Variants in TTC9 observed in about 807,000 individuals in gnomAD.
The protein encoded by TTC9 is tetratricopeptide repeat domain 9.
Under a neutral mutation model 22.9 loss-of-function variants are expected in TTC9, and 13 were observed. That is an observed-to-expected ratio of 0.57 (90% CI 0.37 to 0.90). TTC9 has a LOEUF of 0.90. TTC9 is among the 40% of genes least tolerant of loss of function. TTC9 has a pLI of 0.01. For synonymous variants in TTC9, 148 were observed against 133.2 expected, an observed-to-expected ratio of 1.11 and a Z score of -0.77; for missense variants, 280 against 291.8, an observed-to-expected ratio of 0.96 and a Z score of 0.29.
chr14:70,647,219 A>G (rs1885915104), intron 1 of TTC9, among the ~76,000 whole-genome samples: 1 of 152,242 alleles, frequency 6.6e-6, no homozygotes, highest in South Asian at 2.1e-4. Context: ...TAGCTCATAC[A>G]TGCATATGTA....
Position 70,672,554 on chromosome 14 carries a change from AT to A in TTC9, c.*1400del, listed in dbSNP as rs1254686127. The stretch of plus-strand genomic sequence containing the variant: ...AGAAATGCATATGAGATTATTACCA[AT>A]GACACCGTTAATTTATATGATGCTT... On this transcript the variant is annotated 3_prime_UTR_variant, in exon 3 of 3. Transcript: ENST00000256367. 4.6e-5 allele frequency: 7 copies of A among 152,360 alleles called. No individual in the cohort carries two copies. In the East Asian group the frequency reaches 1.3e-3, roughly 29 times the overall value. The allele number at this position is 152,360 out of a possible 1,614,324, so 9.4% of individuals were successfully genotyped here.
At chr14:70,660,522 G>T (rs1328836159) in intron 1 of TTC9, among the ~76,000 whole-genome samples, 2 of 152,190 alleles carry the variant, frequency 1.3e-5, no homozygotes, top group African/African-American at 4.8e-5. Flanking sequence ...ACTGTGAGAA[G>T]CATGTAATGT....
intron 1 of TTC9, among the ~76,000 whole-genome samples, chr14:70,642,876 C>T (rs943858047): frequency 1.3e-5 from 2 of 152,200 alleles, no homozygotes; most frequent in Non-Finnish European, 2.9e-5. Flanking sequence ...CCCCCGCAGC[C>T]ACCGCTAGCC....
intron 1 of TTC9, among the ~76,000 whole-genome samples, chr14:70,663,584 G>A (rs1273137106): frequency 6.6e-6 from 1 of 152,170 alleles, no homozygotes; most frequent in Non-Finnish European, 1.5e-5. Context: ...TTAGATCAAG[G>A]TAAGGCCCCT....
chr14:70,667,643 G>A lies in TTC9; in HGVS notation c.486G>A (p.Glu162=), dbSNP rs183858804. The A allele has an allele frequency of 3.7e-6, 6 of 1,614,004 alleles. No individual in the cohort carries two copies. Among genetic ancestry groups the A allele is most frequent in the Non-Finnish European group, 5.1e-6 (6 of 1,179,882 alleles). ...TCAAAGTCTTGAAGAAGGAAGGGGA[G>A]AACTTCAAGGCCCTTTACCGGTCTG... ...YCLKVLKKEG[E]NFKALYRSGV... The change falls in exon 2 of 3, where the codon GAG becomes GAA. Residue 162 remains glutamate (E), a synonymous_variant. Transcript: ENST00000256367.
intron 1 of TTC9, among the ~76,000 whole-genome samples, chr14:70,653,737 G>A (rs1217925940): frequency 2.6e-5 from 4 of 152,206 alleles, no homozygotes; most frequent in Admixed American, 1.3e-4. Context: ...GAAAAGCAGG[G>A]AAAGAACTTC....
At chr14:70,647,243 G>A (rs1276092772) in intron 1 of TTC9, among the ~76,000 whole-genome samples, 1 of 152,034 alleles carries the variant, frequency 6.6e-6, no homozygotes, top group Non-Finnish European at 1.5e-5. Flanking sequence ...ATTCTTACTA[G>A]AACAGTGGAA....
At chr14:70,670,800 G>T (rs1310192581) in intron 2 of TTC9, among the ~76,000 whole-genome samples, 1 of 152,134 alleles carries the variant, frequency 6.6e-6, no homozygotes, top group African/African-American at 2.4e-5. Flanking sequence ...ATACGCTGCT[G>T]CATAGAAAGA....
rs184429774 is a variant in TTC9, at chr14:70,645,242, T to G, written c.406+2707T>G. Among the ~76,000 whole-genome samples the G allele has an allele frequency of 1.6e-3, 245 of 152,372 alleles. 3 individuals are homozygous for G. The highest frequency in any genetic ancestry group is 2.3e-3 in the South Asian group (11 of 4,832). The stretch of plus-strand genomic sequence containing the variant: ...AGTCCCAGCTAATAGGAAAGTATCC[T>G]TTCTTGTCAGATTACAAAATAATCA... On this transcript the variant is annotated intron_variant, in intron 1 of 2. Transcript: ENST00000256367.
intron 2 of TTC9, among the ~76,000 whole-genome samples, chr14:70,670,665 A>C (rs558470895): frequency 1.3e-5 from 1 of 74,274 alleles, no homozygotes; most frequent in South Asian, 3.6e-4. Context: ...ACAAACAAAC[A>C]AAAAAAAATA....
At chr14:70,659,018 A>G (rs548597816) in intron 1 of TTC9, among the ~76,000 whole-genome samples, 20 of 152,312 alleles carry the variant, frequency 1.3e-4, no homozygotes, top group Non-Finnish European at 2.9e-4. Context: ...AAATTTTAAA[A>G]ATAGAGAACA....
intron 1 of TTC9, among the ~76,000 whole-genome samples, chr14:70,657,732 G>T (rs147878488): frequency 6.6e-6 from 1 of 152,122 alleles, no homozygotes; most frequent in African/African-American, 2.4e-5. Context: ...TTGGGAGGCC[G>T]AGGCGGGCAG....
chr14:70,659,637 A>T (rs111488100), intron 1 of TTC9, among the ~76,000 whole-genome samples: 199 of 152,330 alleles, frequency 1.3e-3, no homozygotes, highest in African/African-American at 4.6e-3. Flanking sequence ...GGAGGGTTAC[A>T]TAGGAAGTTT....
intron 1 of TTC9, among the ~76,000 whole-genome samples, chr14:70,658,007 G>T (rs1307128007): frequency 6.6e-6 from 1 of 152,100 alleles, no homozygotes; most frequent in Admixed American, 6.5e-5. Context: ...CACTTGGAGG[G>T]TGCTAACTCT....
intron 1 of TTC9, 107 bp from the exon 2 acceptor site, chr14:70,667,457 G>A: frequency 2.5e-6 from 3 of 1,214,594 alleles, no homozygotes; most frequent in South Asian, 1.4e-5. Context: ...GTAAACCCCA[G>A]TGGAAAACCC....
chr14:70,657,008 G>A (rs1886076399), intron 1 of TTC9, among the ~76,000 whole-genome samples: 1 of 152,144 alleles, frequency 6.6e-6, no homozygotes, highest in African/African-American at 2.4e-5. Context: ...GGTGCCAAAG[G>A]GCTGAGCTGA....
At chr14:70,654,345 G>C (rs911640730) in intron 1 of TTC9, among the ~76,000 whole-genome samples, 1 of 151,958 alleles carries the variant, frequency 6.6e-6, no homozygotes, top group African/African-American at 2.4e-5. Context: ...AATCCCAGCA[G>C]TTTGGGAGGC....
chr14:70,653,948 G>T (rs1886021696), intron 1 of TTC9, among the ~76,000 whole-genome samples: 1 of 152,186 alleles, frequency 6.6e-6, no homozygotes, highest in Non-Finnish European at 1.5e-5. Context: ...CATGGGGCTG[G>T]CAGCCTCGGG....
At chr14:70,659,307 G>A (rs1472860489) in intron 1 of TTC9, among the ~76,000 whole-genome samples, 1 of 152,010 alleles carries the variant, frequency 6.6e-6, no homozygotes, top group South Asian at 2.1e-4. Flanking sequence ...AGGTCTCTTT[G>A]TAGTATTTCT....
Sources: gnomAD v4.1 joint callset for allele counts (sites outside exome capture counted in the v4.1 genomes callset) on GRCh38, gnomAD v4.1.1 for gene constraint, MANE v1.5 for transcripts, NCBI Gene and HGNC (gene_info 2026-07-23, HGNC 2026-07-21) for gene names.